The following ABCD2 variants were observed in gnomAD, a reference collection of about 807,000 sequenced individuals.
ABCD2 encodes ATP binding cassette subfamily D member 2.
Under a neutral mutation model 70.9 loss-of-function variants are expected in ABCD2, and 36 were observed. That is an observed-to-expected ratio of 0.51 (90% CI 0.39 to 0.67). The LOEUF is 0.67. ABCD2 is among the 30% of genes least tolerant of loss of function. The probability of loss-of-function intolerance (pLI) is 0.00; values close to 1 mark genes in which losing one functional copy is unlikely to be tolerated. For missense variants in ABCD2, 729 were observed against 890.2 expected, an observed-to-expected ratio of 0.82 and a Z score of 2.30; for synonymous variants, 304 against 306.9, an observed-to-expected ratio of 0.99 and a Z score of 0.10.
chr12:39,563,992 G>C (rs1941301831), intron 9 of ABCD2, among the ~76,000 whole-genome samples: 1 of 152,186 alleles, frequency 6.6e-6, no homozygotes, highest in South Asian at 2.1e-4. Flanking sequence ...ATTCCATGGT[G>C]TATATGTGCC....
intron 6 of ABCD2, among the ~76,000 whole-genome samples, chr12:39,592,170 G>A (rs1315563571): frequency 1.3e-5 from 2 of 152,202 alleles, no homozygotes; most frequent in African/African-American, 4.8e-5. Flanking sequence ...TTACTTGGCT[G>A]TAAGTCTAAC....
chr12:39,601,129 A>G (rs1941891465), intron 5 of ABCD2, among the ~76,000 whole-genome samples: 1 of 152,116 alleles, frequency 6.6e-6, no homozygotes, highest in Non-Finnish European at 1.5e-5. Flanking sequence ...ATTAACTGCA[A>G]TTAATAGCTA....
chr12:39,578,245 C>T (rs879841449), intron 8 of ABCD2, among the ~76,000 whole-genome samples: 1 of 152,042 alleles, frequency 6.6e-6, no homozygotes, highest in African/African-American at 2.4e-5. Flanking sequence ...GAGGCCGAGG[C>T]GGGCGGATCA....
At chr12:39,547,980 T>C (rs1941042914), downstream of ABCD2, among the ~76,000 whole-genome samples, 1 of 152,216 alleles carries the variant, frequency 6.6e-6, no homozygotes, top group South Asian at 2.1e-4. Flanking sequence ...TATGAGAGTT[T>C]GACCTACGAT....
intron 9 of ABCD2, among the ~76,000 whole-genome samples, chr12:39,557,445 G>A (rs1941185633): frequency 6.6e-6 from 1 of 152,154 alleles, no homozygotes; most frequent in Non-Finnish European, 1.5e-5. Flanking sequence ...TAAAAGTTTA[G>A]AAAATTTACA....
In ABCD2 at chr12:39,600,732, A is replaced by C. The variant is rs1941885872; in HGVS notation, c.1501-16T>G. On this transcript the variant is annotated splice_polypyrimidine_tract_variant and intron_variant, in intron 5 of 9. Transcript: ENST00000308666. ...CTTCTTCTACCTAAAGTAAGAAATAAAATTACAAACTGCAATAGTTTAAAA... is the reference window on the plus strand; with the variant it reads ...CTTCTTCTACCTAAAGTAAGAAATACAATTACAAACTGCAATAGTTTAAAA... 3 of 1,590,850 alleles carry C rather than the reference A, an allele frequency of 1.9e-6. No homozygotes were observed. The South Asian group carries it at 3.4e-5, about 18-fold the overall frequency.
Position 39,603,934 on chromosome 12 carries a change from A to T in ABCD2, c.1478T>A (p.Val493Glu), listed in dbSNP as rs562234415. 1 of 1,612,486 alleles carries T rather than the reference A, an allele frequency of 6.2e-7. No individual in the cohort carries two copies. Among genetic ancestry groups the T allele is most frequent in the Admixed American group, 1.7e-5 (1 of 59,952 alleles). Residue 493 changes from valine to glutamate, a missense_variant, in exon 5 of 10, where the codon GTG becomes GAG. Coordinates refer to ENST00000308666, the MANE Select transcript of ABCD2 (RefSeq NM_005164.4). ...VPIITPAGEVVASRLNFKVEE... is the reference protein window; with the variant it reads ...VPIITPAGEVEASRLNFKVEE... ...TACTTTGAAGTTTAGCCTGGAAGCC[A>T]CCACTTCTCCTGCTGGTGTAATTAT... is the stretch of plus-strand genomic sequence containing the variant.
intron 9 of ABCD2, among the ~76,000 whole-genome samples, chr12:39,571,177 T>C (rs1178130147): frequency 6.6e-6 from 1 of 152,100 alleles, no homozygotes; most frequent in East Asian, 1.9e-4. Flanking sequence ...CCTCAAAATG[T>C]TAAAAATAGA....
chr12:39,586,835 C>T (rs1475152538), intron 6 of ABCD2, among the ~76,000 whole-genome samples: 1 of 152,010 alleles, frequency 6.6e-6, no homozygotes, highest in Non-Finnish European at 1.5e-5. Context: ...TGTGAACAAA[C>T]AAAACAAAAA....
At chr12:39,583,489 G>A (rs1173428152) in intron 7 of ABCD2, among the ~76,000 whole-genome samples, 3 of 152,128 alleles carry the variant, frequency 2.0e-5, no homozygotes, top group Admixed American at 6.5e-5. Flanking sequence ...TTATTTGAAA[G>A]TGTGAATATA....
the ABCD2 span, among the ~76,000 whole-genome samples, chr12:39,534,281 T>C: frequency 2.0e-5 from 3 of 152,180 alleles, no homozygotes; most frequent in Non-Finnish European, 4.4e-5. Flanking sequence ...CAACTTATTA[T>C]CTTCAGTTAA....
At chr12:39,535,601 G>T in the ABCD2 span, among the ~76,000 whole-genome samples, 1 of 151,986 alleles carries the variant, frequency 6.6e-6, no homozygotes, top group African/African-American at 2.4e-5. Flanking sequence ...CTCTAAATTC[G>T]AAATATCTTA....
intron 2 of ABCD2, among the ~76,000 whole-genome samples, chr12:39,615,877 G>C (rs1471172525): frequency 1.3e-5 from 2 of 151,960 alleles, no homozygotes; most frequent in African/African-American, 4.8e-5. Context: ...AATATTCTTA[G>C]TTTTCTAGGT....
intron 6 of ABCD2, among the ~76,000 whole-genome samples, chr12:39,591,206 T>C (rs1263415681): frequency 6.6e-6 from 1 of 152,174 alleles, no homozygotes; most frequent in Non-Finnish European, 1.5e-5. Context: ...GAACCAATCA[T>C]TGCATCAGGG....
rs767662506 is a variant in ABCD2, at chr12:39,616,977, A to G, written c.1120+11T>C. The G allele has an allele frequency of 3.2e-6, 5 of 1,570,892 alleles. No homozygotes were observed. The highest frequency in any genetic ancestry group is 1.4e-5 in the African/African-American group (1 of 72,518). ...AAAAATATATTTGAGATTAAGCATA[A>G]ATGTCATTACCACCATCTGCAAAGC... On this transcript the variant is annotated intron_variant, in intron 2 of 9. Transcript: ENST00000308666.
intron 9 of ABCD2, among the ~76,000 whole-genome samples, chr12:39,558,766 G>C (rs1007495755): frequency 6.6e-6 from 1 of 151,966 alleles, no homozygotes; most frequent in Admixed American, 6.6e-5. Flanking sequence ...AAATTATCCA[G>C]TCTCAGGCAG....
At chr12:39,605,011 C>A in intron 3 of ABCD2, 81 bp from the exon 4 acceptor site, 16 of 1,172,864 alleles carry the variant, frequency 1.4e-5, no homozygotes, top group Non-Finnish European at 1.8e-5. Context: ...AGATAAGCTT[C>A]TTGACTTAAT....
At chr12:39,598,525 T>C (rs959240372) in intron 6 of ABCD2, among the ~76,000 whole-genome samples, 4 of 152,038 alleles carry the variant, frequency 2.6e-5, no homozygotes, top group Admixed American at 2.0e-4. Context: ...CTCAGCCTCT[T>C]GAGTAGCTGG....
chr12:39,567,332 A>G (rs568751402), intron 9 of ABCD2, among the ~76,000 whole-genome samples: 1 of 152,314 alleles, frequency 6.6e-6, no homozygotes, highest in East Asian at 1.9e-4. Flanking sequence ...GGGTGCATAT[A>G]TATTTAGGAT....
Sources: allele counts gnomAD v4.1 joint callset (sites outside exome capture counted in the v4.1 genomes callset), GRCh38; gene constraint gnomAD v4.1.1; transcripts MANE v1.5; gene names NCBI Gene and HGNC (gene_info 2026-07-23, HGNC 2026-07-21).